PIP5K1C: variants seen among roughly 807,000 people sequenced by gnomAD.
The protein encoded by PIP5K1C is phosphatidylinositol 4-phosphate 5-kinase type-1 gamma.
In PIP5K1C, 45 loss-of-function variants were observed where a neutral mutation model predicts 80.1. The ratio of observed to expected loss-of-function variants is 0.56; its 90% CI spans 0.44 to 0.72. The LOEUF is 0.72. PIP5K1C is among the 30% of genes least tolerant of loss of function. The pLI is 0.00. For synonymous variants in PIP5K1C, 498 were observed against 420.1 expected (o/e 1.19, Z -2.27); for missense variants, 753 against 954.6 (o/e 0.79, Z 2.78).
intron 1 of PIP5K1C, among the ~76,000 whole-genome samples, chr19:3,678,436 A>AG (rs1568350372): frequency 1.0e-5 from 1 of 98,166 alleles, no homozygotes; most frequent in East Asian, 3.9e-4. Flanking sequence ...GGGATGGAGG[A>AG]TGGAGAGATG....
intron 2 of PIP5K1C, 53 bp downstream of exon 2, chr19:3,667,269 G>A (rs972452271): frequency 6.6e-7 from 1 of 1,511,848 alleles, no homozygotes; most frequent in Admixed American, 1.8e-5. Context: ...CGAGTAGGGA[G>A]GCAGCAGGTC....
chr19:3,695,156 G>A (rs1220999999), intron 1 of PIP5K1C, among the ~76,000 whole-genome samples: 1 of 152,250 alleles, frequency 6.6e-6, no homozygotes, highest in Non-Finnish European at 1.5e-5. Context: ...GGTCAGCGAG[G>A]CAGTCCCGTT....
At chr19:3,678,117 A>C (rs2035443426) in intron 1 of PIP5K1C, among the ~76,000 whole-genome samples, 1 of 118,606 alleles carries the variant, frequency 8.4e-6, no homozygotes, top group African/African-American at 3.3e-5. Context: ...GGAGGGATGG[A>C]GAGATGGAGG....
At chr19:3,653,622 G>A (rs1305635733) in intron 6 of PIP5K1C, 33 bp from the exon 7 acceptor site, 7 of 1,587,230 alleles carry the variant, frequency 4.4e-6, no homozygotes, top group Middle Eastern at 1.9e-4. Flanking sequence ...CGTGGAGGGC[G>A]GCTGGGCCAC....
chr19:3,643,111 T>C (rs1035557149), intron 13 of PIP5K1C, 132 bp downstream of exon 13: 7 of 1,465,326 alleles, frequency 4.8e-6, no homozygotes, highest in Non-Finnish European at 6.6e-6. Flanking sequence ...CCACATGCAG[T>C]GTATGTACAT....
chr19:3,664,688 C>T, intron 3 of PIP5K1C, 134 bp downstream of exon 3: 2 of 807,414 alleles, frequency 2.5e-6, no homozygotes, highest in Non-Finnish European at 4.3e-6. Flanking sequence ...TCTGCCTCCA[C>T]ACAGCCCACA....
chr19:3,670,843 G>C (rs2035182631), intron 1 of PIP5K1C, among the ~76,000 whole-genome samples: 1 of 152,212 alleles, frequency 6.6e-6, no homozygotes, highest in Admixed American at 6.5e-5. Context: ...GAGGGAGTGG[G>C]GTGACTCAGG....
At chr19:3,650,009 A>G (rs902355672) in intron 8 of PIP5K1C, 1 of 180,082 alleles carries the variant, frequency 5.6e-6, no homozygotes, top group Non-Finnish European at 1.2e-5. Flanking sequence ...CTCCCCCGCC[A>G]GGCCAGCGAA....
intron 5 of PIP5K1C, among the ~76,000 whole-genome samples, chr19:3,660,549 G>A (rs2034799772): frequency 6.6e-6 from 1 of 152,180 alleles, no homozygotes; most frequent in Non-Finnish European, 1.5e-5. Flanking sequence ...GCTAGAGCTA[G>A]GAGGTCCGAC....
intron 16 of PIP5K1C, chr19:3,636,872 T>C (rs931791327): frequency 2.4e-5 from 24 of 993,820 alleles, no homozygotes; most frequent in Non-Finnish European, 2.9e-5. Flanking sequence ...CCTTGCTTAT[T>C]GGTCATAATG....
rs991616868 is a variant in PIP5K1C, at chr19:3,653,549, T to A, written c.662A>T (p.Tyr221Phe). Residue 221 changes from tyrosine (Y) to phenylalanine (F), a missense_variant, in exon 7 of 18, where the codon TAT becomes TTT. Transcript: ENST00000335312. ...CCCCGACTGCACGCAGTACAGCCCA[T>A]AGAACTTGGGCAGCAGCGTCCGCGG... ...QNPRTLLPKF[Y>F]GLYCVQSGGK... is the part of the protein sequence containing the mutation. 4.3e-6 allele frequency: 7 copies of A among 1,612,148 alleles called. No individual in the cohort carries two copies. The South Asian group carries it at 4.4e-5, about 10-fold the overall frequency.
At chr19:3,664,982 A>G in intron 2 of PIP5K1C, 68 bp from the exon 3 acceptor site, 1 of 1,279,966 alleles carries the variant, frequency 7.8e-7, no homozygotes, top group Non-Finnish European at 1.1e-6. Context: ...GCACGCTCTG[A>G]AACCCTGGGA....
intron 1 of PIP5K1C, among the ~76,000 whole-genome samples, 194 bp downstream of exon 1, chr19:3,700,103 C>T (rs1382681467): frequency 1.3e-5 from 2 of 151,982 alleles, no homozygotes; most frequent in African/African-American, 2.4e-5. Flanking sequence ...TAGCCCCTCG[C>T]AGGCCTCCCG....
At chr19:3,670,086 C>T (rs1194403664) in intron 1 of PIP5K1C, among the ~76,000 whole-genome samples, 1 of 111,310 alleles carries the variant, frequency 9.0e-6, no homozygotes. Context: ...GGTCAGGAAC[C>T]TGGGGCAGGC....
intron 3 of PIP5K1C, among the ~76,000 whole-genome samples, chr19:3,662,887 A>C (rs11666894): frequency 0.38 from 58,002 of 151,502 alleles, 12,026 homozygotes; most frequent in Middle Eastern, 0.49. Context: ...TTTGAGACAG[A>C]GTCTTGCTCT....
At position 3,646,033 on chromosome 19, in the gene PIP5K1C, C is replaced by G; in HGVS notation, c.1286G>C (p.Ser429Thr). 6.2e-7 allele frequency: 1 copy of G among 1,612,604 alleles called. No homozygotes were observed. The highest frequency in any genetic ancestry group is 8.5e-7 in the Non-Finnish European group (1 of 1,179,672). Residue 429 changes from serine to threonine, a missense_variant, in exon 11 of 18, where the codon AGC becomes ACC. By Grantham distance (58) the Ser-to-Thr change is moderately conservative. This residue lies in a region of PIP5K1C where 114 missense variants were observed against 152.4 expected (regional missense o/e 0.75). Transcript: ENST00000335312. ...DGDTVSVHRP[S>T]FYAERFFKFM... ...CTTGAAAAAGCGCTCGGCATAGAAG[C>G]TGGGGCGGTGGACGGACACCGTGTC...
At chr19:3,654,891 A>G (rs2034568541) in intron 6 of PIP5K1C, among the ~76,000 whole-genome samples, 1 of 151,850 alleles carries the variant, frequency 6.6e-6, no homozygotes, top group Admixed American at 6.6e-5. Flanking sequence ...CAAGGCAGGC[A>G]GATCATGAAG....
In PIP5K1C at chr19:3,634,146, G is replaced by A. The variant is rs533422722; in HGVS notation, c.1921-626C>T. Among the ~76,000 whole-genome samples, 381 of 152,228 alleles carry A rather than the reference G, an allele frequency of 2.5e-3. 1 individual carries two copies. The highest frequency in any genetic ancestry group is 8.8e-3 in the African/African-American group (366 of 41,544). On this transcript the variant is annotated intron_variant, in intron 16 of 17. Coordinates refer to ENST00000335312, the MANE Select transcript of PIP5K1C (RefSeq NM_012398.3). ...AGGGCAGAGTGAGGGCCAAGTTCAG[G>A]GCTAGGCACAGGCAGGGCCGTGTGC...
chr19:3,689,593 G>A (rs2035881702), intron 1 of PIP5K1C, among the ~76,000 whole-genome samples: 1 of 152,156 alleles, frequency 6.6e-6, no homozygotes. Context: ...AGGTTTCGGT[G>A]AGCTGAGATC....
Sources: allele counts gnomAD v4.1 joint callset (sites outside exome capture counted in the v4.1 genomes callset), GRCh38; gene constraint gnomAD v4.1.1; regional missense constraint gnomAD v4.1.1; transcripts MANE v1.5; gene names NCBI Gene and HGNC (gene_info 2026-07-23, HGNC 2026-07-21).